Variants in AFF2 observed in about 807,000 individuals in gnomAD.
AFF2 encodes the protein ALF transcription elongation factor 2.
Under a neutral mutation model 76.9 loss-of-function variants are expected in AFF2, and 14 were observed. That is an observed-to-expected ratio of 0.18 (90% CI 0.12 to 0.28). AFF2 has a LOEUF of 0.28. AFF2 is among the 10% of genes least tolerant of loss of function. The probability of loss-of-function intolerance (pLI) is 1.00; values close to 1 mark genes in which losing one functional copy is unlikely to be tolerated. For synonymous variants in AFF2, 398 were observed against 366.7 expected (o/e 1.09, Z -0.98); for missense variants, 868 against 1,001.1 (o/e 0.87, Z 1.79).
At chrX:148,900,804 GA>G (rs1371969812) in intron 8 of AFF2, among the ~76,000 whole-genome samples, 2 of 112,094 alleles carry the variant, frequency 1.8e-5, no homozygotes, top group Admixed American at 1.9e-4. Context: ...AGTCTTCTGT[GA>G]ATAGCACTTT....
chrX:148,574,084 AG>A (rs2053259437), intron 1 of AFF2, among the ~76,000 whole-genome samples: 1 of 111,372 alleles, frequency 9.0e-6, no homozygotes, highest in Non-Finnish European at 1.9e-5. Flanking sequence ...CAGCAACATC[AG>A]GGGTTTTGAT....
At chrX:148,744,074 G>A (rs1472930545) in intron 3 of AFF2, among the ~76,000 whole-genome samples, 9 of 110,793 alleles carry the variant, frequency 8.1e-5, no homozygotes, top group African/African-American at 3.0e-4. Context: ...GTTATATGCC[G>A]AAAGAAAGGT....
At chrX:148,916,173 T>C (rs781876972) in intron 9 of AFF2, among the ~76,000 whole-genome samples, 1 of 104,563 alleles carries the variant, frequency 9.6e-6, no homozygotes, top group African/African-American at 3.5e-5. Context: ...TGATGGGTAA[T>C]AGACTTTTGA....
intron 3 of AFF2, among the ~76,000 whole-genome samples, chrX:148,678,312 G>GA (rs1209640632): frequency 5.8e-4 from 64 of 111,070 alleles, no homozygotes; most frequent in African/African-American, 1.9e-3. Context: ...TAAGTGAAAA[G>GA]AAAAAAAATC....
At chrX:148,668,392 G>C (rs1164312207) in intron 3 of AFF2, among the ~76,000 whole-genome samples, 1 of 112,669 alleles carries the variant, frequency 8.9e-6, no homozygotes, top group African/African-American at 3.2e-5. Context: ...CCACTAGGTG[G>C]TGCCCCAACA....
intron 1 of AFF2, among the ~76,000 whole-genome samples, chrX:148,625,071 C>G (rs1254731730): frequency 1.8e-5 from 2 of 110,440 alleles, no homozygotes; most frequent in Non-Finnish European, 3.8e-5. Context: ...TGTACCATTT[C>G]CTTGTGTCTA....
chrX:148,581,439 CAT>C (rs1486170564), intron 1 of AFF2, among the ~76,000 whole-genome samples: 3 of 84,095 alleles, frequency 3.6e-5, no homozygotes, highest in Non-Finnish European at 6.9e-5. Context: ...CGTGTACACA[CAT>C]ATATACGTAT....
At position 148,994,708 on chromosome X, in the gene AFF2, G is replaced by A. The variant is rs782416344; in HGVS notation, c.*3376G>A. The A allele has an allele frequency of 7.1e-5, 8 of 111,910 alleles. No homozygotes were observed. The highest frequency in any genetic ancestry group is 9.7e-5 in the African/African-American group (3 of 30,776). 9.2% of individuals were successfully genotyped at this position (111,910 alleles called of 1,213,427 possible). ...AAATTCATTAGATTTTGTCTGCATT[G>A]GAAAGATACTCTTCTAGCATATCTT... On this transcript the variant is annotated 3_prime_UTR_variant, in exon 21 of 21. Transcript: ENST00000370460.
chrX:148,814,448 G>A (rs960292549), intron 4 of AFF2, among the ~76,000 whole-genome samples: 2 of 112,292 alleles, frequency 1.8e-5, no homozygotes, highest in East Asian at 2.8e-4. Context: ...TTTTAGATTT[G>A]ATGCTAAACA....
At chrX:148,637,738 A>G (rs2054047337) in intron 1 of AFF2, among the ~76,000 whole-genome samples, 1 of 112,705 alleles carries the variant, frequency 8.9e-6, no homozygotes, top group East Asian at 2.8e-4. Context: ...AATCTGTTAT[A>G]TATTTTACAC....
At chrX:148,925,057 G>A (rs997310371) in intron 9 of AFF2, among the ~76,000 whole-genome samples, 2 of 112,405 alleles carry the variant, frequency 1.8e-5, no homozygotes, top group African/African-American at 6.5e-5. Flanking sequence ...AAGAGCAGCT[G>A]TCCAGTTTGC....
intron 3 of AFF2, among the ~76,000 whole-genome samples, chrX:148,793,755 G>C (rs922828497): frequency 9.0e-6 from 1 of 111,704 alleles, no homozygotes; most frequent in East Asian, 2.8e-4. Flanking sequence ...ATGGTTATGT[G>C]ACCTTGGGCA....
intron 1 of AFF2, among the ~76,000 whole-genome samples, chrX:148,619,582 A>T (rs995288804): frequency 7.1e-5 from 8 of 112,035 alleles, no homozygotes; most frequent in Non-Finnish European, 1.5e-4. Context: ...AAGATGAGAG[A>T]TAGTTGGAAG....
chrX:148,880,807 C>A (rs2071088034), intron 7 of AFF2, among the ~76,000 whole-genome samples: 1 of 111,721 alleles, frequency 9.0e-6, no homozygotes, highest in African/African-American at 3.3e-5. Flanking sequence ...AGTCTAGTCT[C>A]TGAGTGTGGA....
chrX:148,865,271 G>T (rs1009868526), intron 7 of AFF2, among the ~76,000 whole-genome samples: 1 of 112,423 alleles, frequency 8.9e-6, no homozygotes, highest in Non-Finnish European at 1.9e-5. Context: ...CAGATAAAAT[G>T]GCTTTCCTAG....
At chrX:148,830,729 G>A (rs2070443478) in intron 4 of AFF2, among the ~76,000 whole-genome samples, 1 of 111,673 alleles carries the variant, frequency 9.0e-6, no homozygotes. Context: ...AATGGAGGCA[G>A]GGCGAGATCA....
rs1297933216 is a variant in AFF2 at position 148,963,850 on chromosome X, C to CAAGT, written c.2913+914_2913+917dup. ...GCAGTGGAGACACGAAGCTGGCTTACAAGTTTTTTACGGCTCTGTTTCCTT... is the reference window on the plus strand; with the variant it reads ...GCAGTGGAGACACGAAGCTGGCTTACAAGTAAGTTTTTTACGGCTCTGTTTCCTT... On this transcript the variant is annotated intron_variant, in intron 13 of 20. Coordinates refer to ENST00000370460, the MANE Select transcript of AFF2 (RefSeq NM_002025.4). 2.7e-5 allele frequency among the ~76,000 whole-genome samples: 3 copies of CAAGT among 111,897 alleles called. No individual in the cohort carries two copies. In the East Asian group the frequency reaches 8.4e-4, roughly 31 times the overall value.
At chrX:148,628,877 T>G (rs782779381) in intron 1 of AFF2, among the ~76,000 whole-genome samples, 45 of 112,130 alleles carry the variant, frequency 4.0e-4, no homozygotes, top group Non-Finnish European at 8.3e-4. Context: ...AAGATATCAG[T>G]TTGACTCTAA....
chrX:148,633,283 G>A (rs782524190), intron 1 of AFF2, among the ~76,000 whole-genome samples: 1 of 111,733 alleles, frequency 8.9e-6, no homozygotes, highest in South Asian at 3.8e-4. Flanking sequence ...TTAGGTCATG[G>A]GCACCCTGAA....
Sources: allele counts gnomAD v4.1 joint callset (sites outside exome capture counted in the v4.1 genomes callset), GRCh38; gene constraint gnomAD v4.1.1; transcripts MANE v1.5; gene names NCBI Gene and HGNC (gene_info 2026-07-23, HGNC 2026-07-21).